Variants in NETO2 observed in about 807,000 individuals in gnomAD.
NETO2 encodes the protein neuropilin and tolloid like 2, also known as neuropilin and tolloid-like protein 2.
A neutral mutation model predicts 62.5 loss-of-function variants in NETO2; 28 were observed. The observed-to-expected ratio is 0.45, with a 90% CI of 0.33 to 0.61. The LOEUF (loss-of-function observed/expected upper bound fraction) is 0.61, where lower values mean the gene tolerates loss of function less well. NETO2 is among the 20% of genes least tolerant of loss of function. The pLI is 0.02. For synonymous variants in NETO2, 214 were observed against 219.1 expected, an observed-to-expected ratio of 0.98 and a Z score of 0.21; for missense variants, 548 against 643.2, an observed-to-expected ratio of 0.85 and a Z score of 1.60.
chr16:47,124,952 A>G (rs1964125506), intron 4 of NETO2, among the ~76,000 whole-genome samples: 1 of 152,230 alleles, frequency 6.6e-6, no homozygotes, highest in South Asian at 2.1e-4. Context: ...TAGGCCATTT[A>G]AAGTTGCTCT....
chr16:47,128,568 G>A lies in NETO2; in HGVS notation c.238C>T (p.Pro80Ser). 7 of 1,610,268 alleles carry A rather than the reference G, an allele frequency of 4.3e-6. No individual in the cohort carries two copies. Among genetic ancestry groups the A allele is most frequent in the Non-Finnish European group, 5.1e-6 (6 of 1,179,336 alleles). ...KECIYILEAA[P>S]RQRIELTFDE... ...AAGGTCAACTCTATTCTTTGACGTG[G>A]AGCAGCTAGAAAATAAGAGTAAGCA... Residue 80 changes from proline (P) to serine (S), a missense_variant, in exon 4 of 9, where the codon CCA (proline) becomes TCA (serine). Physicochemically the swap from Pro to Ser is moderately conservative, Grantham distance 74. Transcript: ENST00000562435.
chr16:47,113,441 T>C (rs1293710636), intron 6 of NETO2, among the ~76,000 whole-genome samples: 2 of 152,228 alleles, frequency 1.3e-5, no homozygotes, highest in Admixed American at 6.5e-5. Context: ...CAGAATTTCA[T>C]ATAAATGAAA....
At chr16:47,089,382 T>C (rs1963265154) in intron 7 of NETO2, among the ~76,000 whole-genome samples, 2 of 152,198 alleles carry the variant, frequency 1.3e-5, no homozygotes, top group Non-Finnish European at 2.9e-5. Flanking sequence ...TTAACCTCCT[T>C]GGGCCTCGGC....
intron 6 of NETO2, 123 bp downstream of exon 6, chr16:47,122,534 T>C: frequency 9.7e-7 from 1 of 1,027,130 alleles, no homozygotes; most frequent in South Asian, 1.9e-5. Flanking sequence ...AAAATACATT[T>C]TAAAAAGTTG....
At chr16:47,096,377 A>G (rs1963427829) in intron 7 of NETO2, among the ~76,000 whole-genome samples, 1 of 152,222 alleles carries the variant, frequency 6.6e-6, no homozygotes, top group Non-Finnish European at 1.5e-5. Flanking sequence ...TTCTTTGGAC[A>G]GATCAACAAG....
At position 47,083,696 on chromosome 16, in the gene NETO2, A is replaced by C; in HGVS notation, c.1103T>G (p.Val368Gly). ...VLVLLIISIL[V>G]QVKQPRKKVM... The stretch of plus-strand genomic sequence containing the variant: ...CTTTTTTCGAGGCTGTTTCACTTGT[A>C]CTAAAATAGAAATAATGAGAAGGAC... The change falls in exon 9 of 9, where the codon GTA (valine) becomes GGA (glycine). Residue 368 changes from valine to glycine, a missense_variant. Val to Gly is a moderately radical substitution (Grantham distance 109). Coordinates refer to ENST00000562435, the MANE Select transcript of NETO2 (RefSeq NM_018092.5). The C allele has an allele frequency of 6.2e-7, 1 of 1,614,218 alleles. No individual in the cohort carries two copies. The highest frequency in any genetic ancestry group is 1.7e-5 in the Admixed American group (1 of 60,026).
intron 2 of NETO2, among the ~76,000 whole-genome samples, chr16:47,129,902 A>T (rs541856567): frequency 1.3e-5 from 2 of 152,340 alleles, no homozygotes; most frequent in Admixed American, 1.3e-4. Context: ...TAGCAGTAAC[A>T]ACTGGCAGTA....
At chr16:47,104,951 C>T (rs1963638394) in intron 7 of NETO2, among the ~76,000 whole-genome samples, 1 of 151,996 alleles carries the variant, frequency 6.6e-6, no homozygotes, top group Non-Finnish European at 1.5e-5. Flanking sequence ...AACTCCTGAC[C>T]TCAGGTGTTC....
At chr16:47,089,928 T>C (rs910797843) in intron 7 of NETO2, among the ~76,000 whole-genome samples, 1 of 152,230 alleles carries the variant, frequency 6.6e-6, no homozygotes, top group East Asian at 1.9e-4. Flanking sequence ...AATATAATTG[T>C]ATATTATGTT....
chr16:47,092,742 G>T (rs984281693), intron 7 of NETO2, among the ~76,000 whole-genome samples: 2 of 152,124 alleles, frequency 1.3e-5, no homozygotes, highest in Non-Finnish European at 2.9e-5. Flanking sequence ...ACATGCTCAG[G>T]TTCTCTCCCT....
Position 47,108,375 on chromosome 16 carries a change from T to A in NETO2, c.883+1108A>T, listed in dbSNP as rs143679544. Among the ~76,000 whole-genome samples, 176 of 152,252 alleles carry A rather than the reference T, an allele frequency of 1.2e-3. 1 individual carries two copies. The highest frequency in any genetic ancestry group is 4.1e-3 in the African/African-American group (170 of 41,546). On this transcript the variant is annotated intron_variant, in intron 7 of 8. Transcript: ENST00000562435. ...TTAGAAAGGAAAAAAATAGCAACTT[T>A]TTAGTGAAGAAAACTGGCAGACAGC...
At chr16:47,121,504 GTA>G (rs1964039959) in intron 6 of NETO2, among the ~76,000 whole-genome samples, 1 of 152,188 alleles carries the variant, frequency 6.6e-6, no homozygotes. Context: ...GGGTTTCTAA[GTA>G]TAAAGCTAGG....
At chr16:47,087,256 C>T (rs1208544702) in intron 7 of NETO2, among the ~76,000 whole-genome samples, 1 of 152,126 alleles carries the variant, frequency 6.6e-6, no homozygotes, top group African/African-American at 2.4e-5. Flanking sequence ...GAACTCCTGA[C>T]CTCGTGATCC....
At chr16:47,129,739 C>T (rs766160036) in intron 2 of NETO2, among the ~76,000 whole-genome samples, 22 of 152,152 alleles carry the variant, frequency 1.4e-4, no homozygotes, top group Non-Finnish European at 2.5e-4. Context: ...TTTAACACAA[C>T]AGTAAAAGAT....
intron 1 of NETO2, among the ~76,000 whole-genome samples, chr16:47,135,024 C>T (rs1050528138): frequency 2.6e-5 from 4 of 152,008 alleles, no homozygotes; most frequent in Admixed American, 1.3e-4. Context: ...ATAAAAACGA[C>T]GTATAAAGAA....
In NETO2 at chr16:47,086,348, A is replaced by G. The variant is rs1963189760; in HGVS notation, c.884-9T>C. 1 of 1,587,662 alleles carries G rather than the reference A, an allele frequency of 6.3e-7. No homozygotes were observed. The highest frequency in any genetic ancestry group is 8.6e-7 in the Non-Finnish European group (1 of 1,156,218). ...GCTGCTTGTGCAGGGAGCTGCAGGA[A>G]GAGAAAACAGTGTTGCAAAGAGCAG... On this transcript the variant is annotated splice_polypyrimidine_tract_variant and intron_variant, in intron 7 of 8. Transcript: ENST00000562435.
chr16:47,104,675 A>C (rs570554681), intron 7 of NETO2, among the ~76,000 whole-genome samples: 1 of 152,352 alleles, frequency 6.6e-6, no homozygotes, highest in African/African-American at 2.4e-5. Context: ...GCATAACAAC[A>C]GACATATAGA....
chr16:47,111,079 C>T (rs1455897223), intron 6 of NETO2, among the ~76,000 whole-genome samples: 1 of 152,110 alleles, frequency 6.6e-6, no homozygotes, highest in South Asian at 2.1e-4. Flanking sequence ...TTATATAACC[C>T]AAACCCTCCG....
In NETO2 at chr16:47,129,279, C is replaced by T. The variant is rs143382306; in HGVS notation, c.177G>A (p.Ser59=). 2.4e-5 allele frequency: 38 copies of T among 1,613,882 alleles called. No homozygotes were observed. Among genetic ancestry groups the T allele is most frequent in the Admixed American group, 1.2e-4 (7 of 59,994 alleles). Residue 59 remains serine (S), a synonymous_variant, in exon 3 of 9, where the codon TCG becomes TCA. Transcript: ENST00000562435. ...GTGGATATGAGTCAGGATAATTTGGCGAAGCAAAATGACCTCCATTGCTGG... is the reference window on the plus strand; with the variant it reads ...GTGGATATGAGTCAGGATAATTTGGTGAAGCAAAATGACCTCCATTGCTGG... ...VRTSNGGHFA[S]PNYPDSYPPN...
Sources: gnomAD v4.1 joint callset for allele counts (sites outside exome capture counted in the v4.1 genomes callset) on GRCh38, gnomAD v4.1.1 for gene constraint, MANE v1.5 for transcripts, NCBI Gene and HGNC (gene_info 2026-07-23, HGNC 2026-07-21) for gene names.